The following TNFRSF19 variants were observed in gnomAD, a reference collection of about 807,000 sequenced individuals.
The protein encoded by TNFRSF19 is TNF receptor superfamily member 19, also known as tumor necrosis factor receptor superfamily member 19.
TNFRSF19 carries 27 observed loss-of-function variants against 46.4 expected under a neutral mutation model. The ratio of observed to expected loss-of-function variants is 0.58; its 90% CI spans 0.43 to 0.80. TNFRSF19 has a LOEUF of 0.80. TNFRSF19 is among the 30% of genes least tolerant of loss of function. TNFRSF19 has a pLI of 0.00. For synonymous variants in TNFRSF19, 204 were observed against 205.0 expected (o/e 1.00, Z 0.04); for missense variants, 511 against 530.8 (o/e 0.96, Z 0.37).
At chr13:23,595,204 T>A (rs547639861) in intron 3 of TNFRSF19, among the ~76,000 whole-genome samples, 40 of 152,286 alleles carry the variant, frequency 2.6e-4, no homozygotes, top group Non-Finnish European at 5.3e-4. Context: ...TCTCTTCTCC[T>A]CCAAAGGATC....
chr13:23,641,788 G>C (rs2138338975), intron 5 of TNFRSF19, among the ~76,000 whole-genome samples: 1 of 152,314 alleles, frequency 6.6e-6, no homozygotes, highest in South Asian at 2.1e-4. Context: ...TACAGATGCT[G>C]CTTGACCTAC....
chr13:23,669,432 T>C (rs1951716857), intron 9 of TNFRSF19: 2 of 984,482 alleles, frequency 2.0e-6, no homozygotes, highest in African/African-American at 3.5e-5. Flanking sequence ...CCTTCATTTC[T>C]TCCTGTTATA....
At chr13:23,628,073 A>T in intron 5 of TNFRSF19, among the ~76,000 whole-genome samples, 1 of 152,162 alleles carries the variant, frequency 6.6e-6, no homozygotes, top group Admixed American at 6.5e-5. Context: ...ATTTTGTTTT[A>T]CTTTTCTCAA....
At chr13:23,642,077 A>G (rs1442075728) in intron 5 of TNFRSF19, among the ~76,000 whole-genome samples, 1 of 152,228 alleles carries the variant, frequency 6.6e-6, no homozygotes, top group Non-Finnish European at 1.5e-5. Context: ...AGATTGAACC[A>G]TCATAAGTTG....
intron 4 of TNFRSF19, among the ~76,000 whole-genome samples, chr13:23,624,103 T>C (rs1043003370): frequency 2.0e-5 from 3 of 152,210 alleles, no homozygotes; most frequent in African/African-American, 4.8e-5. Flanking sequence ...CTGTTGCATG[T>C]GGATGTCCAG....
At chr13:23,578,292 G>A (rs3814788) in intron 1 of TNFRSF19, among the ~76,000 whole-genome samples, 1 of 152,066 alleles carries the variant, frequency 6.6e-6, no homozygotes, top group Admixed American at 6.5e-5. Context: ...TTTGGAAATC[G>A]TTTACCAATA....
chr13:23,669,131 C>A, intron 9 of TNFRSF19, 34 bp downstream of exon 9: 1 of 1,602,092 alleles, frequency 6.2e-7, no homozygotes, highest in Non-Finnish European at 8.5e-7. Context: ...GTGAACACAG[C>A]ACTGACTTAC....
At position 23,659,330 on chromosome 13, in the gene TNFRSF19, G is replaced by C; in HGVS notation, c.610+116G>C. 8.7e-7 allele frequency: 1 copy of C among 1,149,600 alleles called. No individual in the cohort carries two copies. The highest frequency in any genetic ancestry group is 1.2e-6 in the Non-Finnish European group (1 of 818,804). 71.2% of individuals were successfully genotyped at this position (1,149,600 alleles called of 1,614,324 possible). ...AGACAAGCACCAGTGAGTTGTGAAA[G>C]AACGCAGGGCACAAGAAACACAGGT... On this transcript the variant is annotated intron_variant, in intron 6 of 9. Coordinates refer to ENST00000248484, the MANE Select transcript of TNFRSF19 (RefSeq NM_148957.4). This position sits in a 1 kb window ranked among gnomAD's most constrained non-coding sequence, Gnocchi z 4.9.
intron 1 of TNFRSF19, among the ~76,000 whole-genome samples, chr13:23,581,150 CG>C (rs536425802): frequency 1.0e-3 from 134 of 131,502 alleles, no homozygotes; most frequent in African/African-American, 4.2e-3. Context: ...TTTTTTGAAA[CG>C]GAGTCTCGCT....
intron 5 of TNFRSF19, among the ~76,000 whole-genome samples, chr13:23,627,260 C>A (rs900575404): frequency 6.6e-6 from 1 of 152,134 alleles, no homozygotes. Context: ...CTAAATGGAA[C>A]TTAGTTCACT....
chr13:23,608,933 G>A (rs548217018), intron 3 of TNFRSF19, among the ~76,000 whole-genome samples: 3 of 152,180 alleles, frequency 2.0e-5, no homozygotes, highest in South Asian at 2.1e-4. Flanking sequence ...ACCAGTTCCC[G>A]ACCCATCTGT....
At chr13:23,602,579 G>A (rs1421829962) in intron 3 of TNFRSF19, among the ~76,000 whole-genome samples, 3 of 152,018 alleles carry the variant, frequency 2.0e-5, no homozygotes, top group African/African-American at 7.2e-5. Flanking sequence ...AAGCTGTCAT[G>A]GAAAATTCAC....
At chr13:23,665,475 A>T (rs987264729) in intron 7 of TNFRSF19, among the ~76,000 whole-genome samples, 4 of 152,008 alleles carry the variant, frequency 2.6e-5, no homozygotes, top group Admixed American at 6.6e-5. Flanking sequence ...TTTCCCTTTA[A>T]CTTTTTATTT....
intron 5 of TNFRSF19, among the ~76,000 whole-genome samples, chr13:23,656,859 C>A (rs1228214205): frequency 6.6e-6 from 1 of 152,126 alleles, no homozygotes; most frequent in Non-Finnish European, 1.5e-5. Flanking sequence ...TCCAGTTATG[C>A]ATTTTCAGTG....
At chr13:23,596,448 C>T (rs572860788) in intron 3 of TNFRSF19, among the ~76,000 whole-genome samples, 1 of 152,180 alleles carries the variant, frequency 6.6e-6, no homozygotes, top group East Asian at 1.9e-4. Context: ...GGTTGCAATC[C>T]TAGTCTCTGA....
intron 1 of TNFRSF19, among the ~76,000 whole-genome samples, chr13:23,573,601 A>G (rs953785200): frequency 6.6e-6 from 1 of 152,194 alleles, no homozygotes; most frequent in African/African-American, 2.4e-5. Context: ...TTAATAATTA[A>G]AGGTTAATTT....
intron 1 of TNFRSF19, among the ~76,000 whole-genome samples, chr13:23,582,316 G>A (rs1323591365): frequency 6.6e-6 from 1 of 151,856 alleles, no homozygotes; most frequent in African/African-American, 2.4e-5. Context: ...CAGGAGAATG[G>A]CGTGAACCCG....
rs938337455 is a variant in TNFRSF19, at chr13:23,668,213, G to A, written c.839+131G>A. 76 of 876,674 alleles carry A rather than the reference G, an allele frequency of 8.7e-5. No individual in the cohort carries two copies. In the Admixed American group the frequency reaches 1.9e-3, roughly 22 times the overall value. 54.3% of individuals were successfully genotyped at this position (876,674 alleles called of 1,614,324 possible). On this transcript the variant is annotated intron_variant, in intron 8 of 9. Transcript: ENST00000248484. ...TATTAATGACATTCTGGATATTGGT[G>A]GGGTGCAGTTCTCAGGGAAGAATTA... is the stretch of plus-strand genomic sequence containing the variant.
chr13:23,640,418 G>C (rs1882966391), intron 5 of TNFRSF19, among the ~76,000 whole-genome samples: 1 of 152,192 alleles, frequency 6.6e-6, no homozygotes, highest in African/African-American at 2.4e-5. Flanking sequence ...TGCTACTACA[G>C]CCTTCCTCGA....
Sources: gnomAD v4.1 joint callset for allele counts (sites outside exome capture counted in the v4.1 genomes callset) on GRCh38, gnomAD v4.1.1 for gene constraint, Gnocchi (gnomAD v3.1) non-coding constraint, MANE v1.5 for transcripts, NCBI Gene and HGNC (gene_info 2026-07-23, HGNC 2026-07-21) for gene names.